Variants in ISY1 observed in about 807,000 individuals in gnomAD.
The protein encoded by ISY1 is ISY1 spliceosome associated protein.
In ISY1, 12 loss-of-function variants were observed where a neutral mutation model predicts 54.4. The observed-to-expected ratio is 0.22, with a 90% CI of 0.14 to 0.36. The LOEUF (loss-of-function observed/expected upper bound fraction) is 0.36, where lower values mean the gene tolerates loss of function less well. ISY1 is among the 10% of genes least tolerant of loss of function. The probability of loss-of-function intolerance (pLI) is 1.00; values close to 1 mark genes in which losing one functional copy is unlikely to be tolerated. For missense variants in ISY1, 282 were observed against 342.2 expected (o/e 0.82, Z 1.39); for synonymous variants, 96 against 117.9 (o/e 0.81, Z 1.20).
chr3:129,154,586 T>C (rs1937078396), intron 5 of ISY1, among the ~76,000 whole-genome samples: 1 of 152,108 alleles, frequency 6.6e-6, no homozygotes, highest in South Asian at 2.1e-4. Flanking sequence ...ATCCTTTTAA[T>C]GTATATAGAT....
intron 6 of ISY1, among the ~76,000 whole-genome samples, chr3:129,143,791 A>G (rs1056889931): frequency 7.2e-5 from 11 of 152,042 alleles, no homozygotes; most frequent in African/African-American, 2.7e-4. Context: ...TACAGTGAGT[A>G]TGGTTTCAAT....
chr3:129,137,229 A>G, intron 7 of ISY1: 1 of 986,556 alleles, frequency 1.0e-6, no homozygotes, highest in Non-Finnish European at 1.2e-6. Flanking sequence ...AAGGCCGGAA[A>G]GGAACATACC....
chr3:129,139,599 G>T (rs1308864155), intron 7 of ISY1, among the ~76,000 whole-genome samples: 1 of 147,730 alleles, frequency 6.8e-6, no homozygotes, highest in Admixed American at 7.0e-5. Flanking sequence ...AGGAGGAAAG[G>T]TGGGTGTGCC....
In ISY1 at chr3:129,129,373, CTT is replaced by C. The variant is rs62786261; in HGVS notation, c.*706_*707del. The C allele has an allele frequency of 5.4e-4, 74 of 136,442 alleles. No homozygotes were observed. Among genetic ancestry groups the C allele is most frequent in the African/African-American group, 1.4e-3 (51 of 35,706 alleles). The allele number at this position is 136,442 out of a possible 1,614,324, so 8.5% of individuals were successfully genotyped here. On this transcript the variant is annotated 3_prime_UTR_variant, in exon 11 of 11. Transcript: ENST00000393295. ...TCATTGACTTGTGGGTTGCGTGCATCTTTTTTTTTTTTTTTTTTTGGGACAGA... is the reference window on the plus strand; with the variant it reads ...TCATTGACTTGTGGGTTGCGTGCATCTTTTTTTTTTTTTTTTTGGGACAGA...
chr3:129,146,988 A>C (rs1936780312), intron 5 of ISY1, among the ~76,000 whole-genome samples: 1 of 151,942 alleles, frequency 6.6e-6, no homozygotes, highest in South Asian at 2.1e-4. Context: ...GAGCCCAGGA[A>C]GTGGAGACTG....
intron 5 of ISY1, among the ~76,000 whole-genome samples, chr3:129,154,223 A>G (rs1158602725): frequency 6.9e-6 from 1 of 144,526 alleles, no homozygotes; most frequent in Non-Finnish European, 1.5e-5. Flanking sequence ...AGCCTGGGTG[A>G]CAGAGCGAGA....
At chr3:129,140,708 T>C (rs1475028545) in intron 6 of ISY1, among the ~76,000 whole-genome samples, 4 of 151,974 alleles carry the variant, frequency 2.6e-5, no homozygotes, top group Non-Finnish European at 5.9e-5. Context: ...GTAGCTGGGA[T>C]TACAGGTGCG....
chr3:129,158,446 A>G, intron 3 of ISY1, 62 bp downstream of exon 3: 2 of 1,605,924 alleles, frequency 1.2e-6, no homozygotes, highest in South Asian at 2.2e-5. Context: ...GGCATGAGCC[A>G]CTGCACCCAG....
Position 129,130,616 on chromosome 3 carries a change from C to T in ISY1, c.684G>A (p.Gln228=). ...GCTGGCTGTCGTCCCCTCCTTTCTC[C>T]TGGCTGCCTTCCTCGTCCGACTACA... ...TEEESDEEGS[Q]EKGGDDSQQK... The change falls in exon 10 of 11, where the codon CAG becomes CAA. Residue 228 remains glutamine, a synonymous_variant. Transcript: ENST00000393295. 1 of 1,614,190 alleles carries T rather than the reference C, an allele frequency of 6.2e-7. No homozygotes were observed. The highest frequency in any genetic ancestry group is 8.5e-7 in the Non-Finnish European group (1 of 1,180,024).
intron 7 of ISY1, among the ~76,000 whole-genome samples, chr3:129,135,816 C>T (rs982364095): frequency 2.0e-5 from 3 of 150,428 alleles, no homozygotes; most frequent in East Asian, 1.9e-4. Context: ...GCTTCATGTA[C>T]AGAAATATGC....
chr3:129,151,889 T>C (rs1576888782), intron 5 of ISY1, among the ~76,000 whole-genome samples: 1 of 152,086 alleles, frequency 6.6e-6, no homozygotes, highest in Non-Finnish European at 1.5e-5. Flanking sequence ...CCGGGTGTGG[T>C]GGCTCATGCC....
At chr3:129,137,769 G>A (rs530455211) in intron 7 of ISY1, among the ~76,000 whole-genome samples, 3 of 151,090 alleles carry the variant, frequency 2.0e-5, no homozygotes, top group East Asian at 3.9e-4. Flanking sequence ...AAACTTTGCC[G>A]GGCGTGGTGG....
At chr3:129,130,269 G>A (rs1286675762) in intron 10 of ISY1, 81 bp from the exon 11 acceptor site, 26 of 1,492,794 alleles carry the variant, frequency 1.7e-5, no homozygotes, top group South Asian at 1.2e-4. Context: ...GGAAGTCCCC[G>A]TGGGAGAAGT....
intron 5 of ISY1, among the ~76,000 whole-genome samples, chr3:129,149,985 A>G (rs948125154): frequency 1.4e-5 from 2 of 147,760 alleles, no homozygotes; most frequent in African/African-American, 2.5e-5. Flanking sequence ...AAAAAAAAAA[A>G]AAAAAAGAAA....
intron 4 of ISY1, 86 bp downstream of exon 4, chr3:129,156,769 G>C: frequency 6.4e-7 from 1 of 1,565,176 alleles, no homozygotes; most frequent in Non-Finnish European, 8.7e-7. Flanking sequence ...AAAATACTTA[G>C]ACTTTTGGTC....
chr3:129,134,050 G>A, intron 9 of ISY1, 24 bp downstream of exon 9: 1 of 1,613,522 alleles, frequency 6.2e-7, no homozygotes, highest in Non-Finnish European at 8.5e-7. Context: ...GGCAGTGAGT[G>A]CCAGAGGGGG....
chr3:129,144,097 A>T (rs1473993227), intron 6 of ISY1: 1 of 404,508 alleles, frequency 2.5e-6, no homozygotes, highest in African/African-American at 2.0e-5. Flanking sequence ...TGGATTAATG[A>T]GCTGCTTTTA....
chr3:129,159,557 T>C (rs971638925), intron 1 of ISY1, among the ~76,000 whole-genome samples: 4 of 152,232 alleles, frequency 2.6e-5, no homozygotes, highest in African/African-American at 7.2e-5. Flanking sequence ...CACAATTGCC[T>C]GTTCCCTGCC....
At chr3:129,136,772 C>G (rs1936414757) in intron 7 of ISY1, among the ~76,000 whole-genome samples, 1 of 151,798 alleles carries the variant, frequency 6.6e-6, no homozygotes, top group Non-Finnish European at 1.5e-5. Context: ...TCACTGCAAG[C>G]TCCGCCTCCT....
Sources: gnomAD v4.1 joint callset for allele counts (sites outside exome capture counted in the v4.1 genomes callset) on GRCh38, gnomAD v4.1.1 for gene constraint, MANE v1.5 for transcripts, NCBI Gene and HGNC (gene_info 2026-07-23, HGNC 2026-07-21) for gene names.